The following THSD4 variants were observed in gnomAD, a reference collection of about 807,000 sequenced individuals.
THSD4 encodes thrombospondin type-1 domain-containing protein 4.
In THSD4, 69 loss-of-function variants were observed where a neutral mutation model predicts 119.0. The observed-to-expected ratio is 0.58, with a 90% CI of 0.48 to 0.71. The LOEUF is 0.71. Among genes scored for constraint, THSD4 ranks in the 30% least tolerant of loss-of-function variants. The pLI is 0.00. For missense variants in THSD4, 1,393 were observed against 1,391.1 expected (o/e 1.00, Z -0.02); for synonymous variants, 524 against 540.4 (o/e 0.97, Z 0.42).
At chr15:71,252,402 G>A (rs565064093) in intron 5 of THSD4, among the ~76,000 whole-genome samples, 1 of 152,220 alleles carries the variant, frequency 6.6e-6, no homozygotes, top group African/African-American at 2.4e-5. Flanking sequence ...AGTACAAACA[G>A]ATGTAATCTA....
rs538721951 is a variant in THSD4 at position 71,370,938 on chromosome 15, A to T, written c.1016-40749A>T. ...TAAGTCTCTTTGTAAGTCTCTAAGG[A>T]CTTGCTTTATGAATCTGGTTGCTCC... On this transcript the variant is annotated intron_variant, in intron 6 of 17. Coordinates refer to ENST00000261862, the MANE Select transcript of THSD4 (RefSeq NM_024817.3). Among the ~76,000 whole-genome samples the T allele has an allele frequency of 9.3e-4, 142 of 152,258 alleles. 3 individuals carry two copies. In the South Asian group the frequency reaches 0.026, roughly 28 times the overall value.
At chr15:71,106,499 A>G (rs1234744408) in intron 1 of THSD4, among the ~76,000 whole-genome samples, 1 of 152,190 alleles carries the variant, frequency 6.6e-6, no homozygotes, top group Non-Finnish European at 1.5e-5. Flanking sequence ...GATCTGGGGT[A>G]AAGTTGCAGC....
chr15:71,470,416 A>T (rs1307280267), intron 7 of THSD4, among the ~76,000 whole-genome samples: 1 of 152,224 alleles, frequency 6.6e-6, no homozygotes, highest in Non-Finnish European at 1.5e-5. Flanking sequence ...AACCCAAGTG[A>T]TAACCACTGC....
At chr15:71,387,878 T>G (rs748113737) in intron 6 of THSD4, among the ~76,000 whole-genome samples, 94 of 152,240 alleles carry the variant, frequency 6.2e-4, no homozygotes, top group Non-Finnish European at 1.1e-3. Context: ...CAAGCAAAGG[T>G]TACCCTCCCT....
chr15:71,653,945 A>G (rs1448859565), intron 7 of THSD4, among the ~76,000 whole-genome samples: 1 of 90,518 alleles, frequency 1.1e-5, no homozygotes, highest in African/African-American at 4.3e-5. Flanking sequence ...CGACATTTAC[A>G]AACAATATTG....
rs1274925447 is a variant in THSD4 at position 71,215,126 on chromosome 15, C to T, written c.191C>T (p.Ala64Val). 3.7e-6 allele frequency: 5 copies of T among 1,365,876 alleles called. No individual in the cohort carries two copies. The highest frequency in any genetic ancestry group is 4.7e-6 in the Non-Finnish European group (5 of 1,054,856). 84.6% of individuals were successfully genotyped at this position (1,365,876 alleles called of 1,614,324 possible). ...GVWGAWGPWS[A>V]CSRSCSGGVM... ...TGGGGCGCCTGGGGCCCCTGGTCGG[C>T]CTGCTCGCGTAGCTGCAGCGGCGGC... The change falls in exon 4 of 18, where the codon GCC (alanine) becomes GTC (valine). Residue 64 changes from alanine to valine, a missense_variant. Coordinates refer to ENST00000261862, the MANE Select transcript of THSD4 (RefSeq NM_024817.3).
intron 7 of THSD4, among the ~76,000 whole-genome samples, chr15:71,539,196 T>G (rs2048725712): frequency 6.6e-6 from 1 of 152,242 alleles, no homozygotes. Context: ...CCCACCTCTG[T>G]GGCTCTTTAA....
intron 7 of THSD4, among the ~76,000 whole-genome samples, chr15:71,643,321 T>C (rs2050902499): frequency 6.6e-6 from 1 of 152,184 alleles, no homozygotes; most frequent in Non-Finnish European, 1.5e-5. Context: ...TTTGAGACAA[T>C]TTTTAGGTTC....
intron 7 of THSD4, among the ~76,000 whole-genome samples, chr15:71,467,131 G>C (rs2047511856): frequency 6.6e-6 from 1 of 152,156 alleles, no homozygotes; most frequent in African/African-American, 2.4e-5. Flanking sequence ...CTCACGTGCT[G>C]CCTTTGTGTC....
chr15:71,588,099 G>A (rs1441288397), intron 7 of THSD4, among the ~76,000 whole-genome samples: 1 of 151,970 alleles, frequency 6.6e-6, no homozygotes. Context: ...GAGGTCAGGA[G>A]ATCGAGACCA....
chr15:71,221,104 C>A (rs1056822967), intron 4 of THSD4, among the ~76,000 whole-genome samples: 3 of 152,026 alleles, frequency 2.0e-5, no homozygotes, highest in African/African-American at 7.3e-5. Context: ...CAAAGCATGC[C>A]GCATTGTAGC....
intron 15 of THSD4, among the ~76,000 whole-genome samples, chr15:71,758,581 T>C (rs2053582513): frequency 6.6e-6 from 1 of 152,222 alleles, no homozygotes; most frequent in African/African-American, 2.4e-5. Context: ...CTGAATACTT[T>C]AATAATTGAT....
chr15:71,691,474 G>A (rs762779935), intron 8 of THSD4, among the ~76,000 whole-genome samples: 10 of 152,238 alleles, frequency 6.6e-5, no homozygotes, highest in Non-Finnish European at 1.3e-4. Context: ...TTGTCTGGAC[G>A]GGAAGGAGCA....
intron 8 of THSD4, among the ~76,000 whole-genome samples, chr15:71,727,556 A>T (rs1390441070): frequency 8.2e-6 from 1 of 121,870 alleles, no homozygotes; most frequent in Non-Finnish European, 1.6e-5. Flanking sequence ...AAAAAAAAAT[A>T]TATATATATA....
intron 3 of THSD4, among the ~76,000 whole-genome samples, chr15:71,199,715 G>GATGCA (rs2043768680): frequency 1.0e-5 from 1 of 96,442 alleles, no homozygotes; most frequent in African/African-American, 6.8e-5. Context: ...TGGGTGTGTG[G>GATGCA]TGTGTGTGTG....
At chr15:71,282,720 A>G (rs1480401397) in intron 6 of THSD4, among the ~76,000 whole-genome samples, 1 of 152,098 alleles carries the variant, frequency 6.6e-6, no homozygotes, top group Non-Finnish European at 1.5e-5. Flanking sequence ...CCCAGATTCT[A>G]TCTAATCTTC....
intron 7 of THSD4, among the ~76,000 whole-genome samples, chr15:71,551,279 A>G (rs761849687): frequency 1.3e-5 from 2 of 152,244 alleles, no homozygotes; most frequent in Non-Finnish European, 2.9e-5. Context: ...CCTGTGCTGA[A>G]AAAAGAAAGG....
rs1285919118 is a variant in THSD4, at chr15:71,427,959, G to GAGGTT, written c.1152+16140_1152+16144dup. 2.0e-5 allele frequency among the ~76,000 whole-genome samples: 3 copies of GAGGTT among 152,278 alleles called. No homozygotes were observed. In the East Asian group the frequency reaches 5.8e-4, roughly 29 times the overall value. On this transcript the variant is annotated intron_variant, in intron 7 of 17. Transcript: ENST00000261862. The stretch of plus-strand genomic sequence containing the variant: ...GTCCTCTTACCCAAGAGACAGAAGA[G>GAGGTT]AGGTTAGGATCCCCTCCCCTAGCTT...
At chr15:71,169,278 A>G (rs2043328537) in intron 3 of THSD4, among the ~76,000 whole-genome samples, 1 of 152,242 alleles carries the variant, frequency 6.6e-6, no homozygotes, top group Admixed American at 6.5e-5. Context: ...AAAAAACACT[A>G]CCAGTGTTGG....
Sources: gnomAD v4.1 joint callset for allele counts (sites outside exome capture counted in the v4.1 genomes callset) on GRCh38, gnomAD v4.1.1 for gene constraint, MANE v1.5 for transcripts, NCBI Gene and HGNC (gene_info 2026-07-23, HGNC 2026-07-21) for gene names.